The following GMPR variants were observed in gnomAD, a reference collection of about 807,000 sequenced individuals.
GMPR encodes the protein guanosine monophosphate reductase, also known as GMP reductase 1.
In GMPR, 31 loss-of-function variants were observed where a neutral mutation model predicts 38.4. The observed-to-expected ratio is 0.81, with a 90% confidence interval of 0.61 to 1.09. GMPR has a LOEUF of 1.09. Ranked by LOEUF, GMPR falls within the 50% of genes least tolerant of loss-of-function variation. GMPR has a pLI of 0.00. For missense variants in GMPR, 468 were observed against 453.7 expected (o/e 1.03, Z -0.29); for synonymous variants, 162 against 173.3 (o/e 0.93, Z 0.51).
chr6:16,260,762 G>T (rs1020588944), intron 4 of GMPR, among the ~76,000 whole-genome samples: 4 of 152,010 alleles, frequency 2.6e-5, no homozygotes, highest in Admixed American at 1.3e-4. Flanking sequence ...AGCGTGATCA[G>T]GGTGAGGAAC....
intron 4 of GMPR, among the ~76,000 whole-genome samples, chr6:16,267,968 G>A (rs573823043): frequency 1.3e-5 from 2 of 152,330 alleles, no homozygotes; most frequent in East Asian, 1.9e-4. Context: ...AAGGTTCTGA[G>A]CCACACAGAT....
At chr6:16,239,126 G>T (rs1758595271) in intron 1 of GMPR, among the ~76,000 whole-genome samples, 1 of 152,204 alleles carries the variant, frequency 6.6e-6, no homozygotes, top group African/African-American at 2.4e-5. Context: ...CTGGAGCTAG[G>T]GGAGAGAGGA....
chr6:16,264,952 A>G (rs557079141), intron 4 of GMPR, among the ~76,000 whole-genome samples: 1 of 152,256 alleles, frequency 6.6e-6, no homozygotes, highest in South Asian at 2.1e-4. Context: ...TTTTTAGAGA[A>G]CACCTTTGTC....
Position 16,246,823 on chromosome 6 carries a change from C to CT in GMPR, c.88-10dup, listed in dbSNP as rs748432274. The CT allele has an allele frequency of 2.6e-4, 401 of 1,566,490 alleles. No individual in the cohort carries two copies. Among genetic ancestry groups the CT allele is most frequent in the African/African-American group, 4.1e-4 (30 of 73,200 alleles). ...CACTCATTTCTTTCCCTTTTTCTTT[C>CT]TTTTTTTTTGGCCAACAGGTGGATC... On this transcript the variant is annotated intron_variant, in intron 1 of 8. Coordinates refer to ENST00000259727, the MANE Select transcript of GMPR (RefSeq NM_006877.4).
At chr6:16,268,579 G>A (rs1013323958) in intron 4 of GMPR, among the ~76,000 whole-genome samples, 22 of 152,260 alleles carry the variant, frequency 1.4e-4, no homozygotes, top group African/African-American at 5.3e-4. Flanking sequence ...CGCGCCTGCC[G>A]ATATTTCTCT....
chr6:16,262,350 G>C (rs1156982450), intron 4 of GMPR: 2 of 152,116 alleles, frequency 1.3e-5, no homozygotes, highest in African/African-American at 2.4e-5. Flanking sequence ...AGGTGAGTTA[G>C]ACAGTCCGAT....
rs149938350 is a variant in GMPR, at chr6:16,274,497, G to A, written c.547+1G>A. ...ATCATCAAAGTGGGAGTTGGACCAG[G>A]TAAGACTTGTTAGGAGCACAGCAGA... On this transcript the variant is annotated splice_donor_variant, in intron 5 of 8. Transcript: ENST00000259727. LOFTEE classifies it high-confidence loss of function. The A allele has an allele frequency of 6.4e-7, 1 of 1,570,826 alleles. No homozygotes were observed.
chr6:16,288,283 C>T (rs1346428549), intron 7 of GMPR, among the ~76,000 whole-genome samples: 1 of 152,248 alleles, frequency 6.6e-6, no homozygotes, highest in Non-Finnish European at 1.5e-5. Flanking sequence ...ACCGAGGATG[C>T]GCGAGGCGCT....
At chr6:16,276,390 C>T (rs1759472258) in intron 5 of GMPR, among the ~76,000 whole-genome samples, 1 of 152,202 alleles carries the variant, frequency 6.6e-6, no homozygotes, top group African/African-American at 2.4e-5. Flanking sequence ...AGGCTGGTCT[C>T]GAACTCCTGG....
At chr6:16,239,553 C>G (rs1758605547) in intron 1 of GMPR, among the ~76,000 whole-genome samples, 1 of 152,216 alleles carries the variant, frequency 6.6e-6, no homozygotes, top group South Asian at 2.1e-4. Context: ...AGGCAGAGTG[C>G]CCCGGGGTGG....
At chr6:16,265,832 T>C (rs1333596856) in intron 4 of GMPR, among the ~76,000 whole-genome samples, 1 of 152,204 alleles carries the variant, frequency 6.6e-6, no homozygotes, top group African/African-American at 2.4e-5. Flanking sequence ...CCATGGAGGT[T>C]TTCTTCGTTC....
chr6:16,244,400 A>C lies in GMPR; in HGVS notation c.88-2442A>C, dbSNP rs565066580. 1.2e-3 allele frequency among the ~76,000 whole-genome samples: 183 copies of C among 151,918 alleles called. 1 individual carries two copies. Among genetic ancestry groups the C allele is most frequent in the African/African-American group, 4.3e-3 (180 of 41,420 alleles). ...GGCTAGTTTTTTCTATTTTGTGTAG[A>C]GATGGGGTTTCACCGTGTTGCCCAG... On this transcript the variant is annotated intron_variant, in intron 1 of 8. Coordinates refer to ENST00000259727, the MANE Select transcript of GMPR (RefSeq NM_006877.4).
At chr6:16,256,439 G>T (rs1210432366) in intron 4 of GMPR, among the ~76,000 whole-genome samples, 1 of 143,028 alleles carries the variant, frequency 7.0e-6, no homozygotes, top group Non-Finnish European at 1.5e-5. Context: ...CTGAGGCAGA[G>T]AATTGCTCGA....
At position 16,238,606 on chromosome 6, in the gene GMPR, G is replaced by C. The variant is rs1186711347; in HGVS notation, c.-88G>C. ...CGGCCCACGCCAGCTCCCGGCCGCG[G>C]CACAGCAGCCCCGGCGCTCCCCGCG... On this transcript the variant is annotated 5_prime_UTR_variant, in exon 1 of 9. Coordinates refer to ENST00000259727, the MANE Select transcript of GMPR (RefSeq NM_006877.4). 3.1e-6 allele frequency: 1 copy of C among 327,074 alleles called. No homozygotes were observed. Among genetic ancestry groups the C allele is most frequent in the African/African-American group, 2.3e-5 (1 of 44,328 alleles). 20.3% of individuals were successfully genotyped at this position (327,074 alleles called of 1,614,324 possible). A position where few individuals can be genotyped will look rare whatever the true frequency, so the allele number is the denominator to read the frequency against.
At chr6:16,256,237 C>T (rs1179524865) in intron 4 of GMPR, among the ~76,000 whole-genome samples, 3 of 139,808 alleles carry the variant, frequency 2.1e-5, no homozygotes, top group African/African-American at 5.4e-5. Context: ...AAGAATTGGC[C>T]GGGTGCAGTG....
rs560900851 is a variant in GMPR at position 16,264,719 on chromosome 6, G to T, written c.466-9696G>T. On this transcript the variant is annotated intron_variant, in intron 4 of 8. Coordinates refer to ENST00000259727, the MANE Select transcript of GMPR (RefSeq NM_006877.4). ...CTCAGTAGGGGAGCTTTTGAGCCAGGATGAGCCAGGAGAAGGAATTTCACA... is the reference window on the plus strand; with the variant it reads ...CTCAGTAGGGGAGCTTTTGAGCCAGTATGAGCCAGGAGAAGGAATTTCACA... Among the ~76,000 whole-genome samples, 8 of 152,290 alleles carry T rather than the reference G, an allele frequency of 5.3e-5. No individual in the cohort carries two copies. The South Asian group carries it at 1.7e-3, about 32-fold the overall frequency.
At chr6:16,280,154 C>T (rs992172361) in intron 6 of GMPR, among the ~76,000 whole-genome samples, 2 of 152,038 alleles carry the variant, frequency 1.3e-5, no homozygotes, top group African/African-American at 4.8e-5. Context: ...CACTATGGCA[C>T]GTGTCTGTTG....
chr6:16,271,603 C>A (rs1041408172), intron 4 of GMPR, among the ~76,000 whole-genome samples: 12 of 152,130 alleles, frequency 7.9e-5, no homozygotes, highest in African/African-American at 2.9e-4. Flanking sequence ...GAGCTCGCGC[C>A]CTGCTTCTTA....
chr6:16,241,208 G>C (rs1371550673), intron 1 of GMPR, among the ~76,000 whole-genome samples: 3 of 152,174 alleles, frequency 2.0e-5, no homozygotes, highest in Non-Finnish European at 2.9e-5. Context: ...AGCCAGGAAA[G>C]AGAACGTACA....
Sources: allele counts gnomAD v4.1 joint callset (sites outside exome capture counted in the v4.1 genomes callset), GRCh38; gene constraint gnomAD v4.1.1; transcripts MANE v1.5; gene names NCBI Gene and HGNC (gene_info 2026-07-23, HGNC 2026-07-21).